Variants in KLC2 observed in about 807,000 individuals in gnomAD.
KLC2 encodes the protein KLC 2.
In KLC2, 35 loss-of-function variants were observed where a neutral mutation model predicts 75.1. The observed-to-expected ratio is 0.47, with a 90% CI of 0.36 to 0.62. The LOEUF is 0.62. Among genes scored for constraint, KLC2 ranks in the 20% least tolerant of loss-of-function variants. The pLI, the probability that KLC2 is intolerant of heterozygous loss-of-function variation, is 0.00. For missense variants in KLC2, 611 were observed against 833.2 expected (o/e 0.73, Z 3.28); for synonymous variants, 314 against 336.7 (o/e 0.93, Z 0.74).
Position 66,263,237 on chromosome 11 carries a change from G to A in KLC2, c.752+201G>A, listed in dbSNP as rs565652047. 5.9e-5 allele frequency among the ~76,000 whole-genome samples: 9 copies of A among 152,270 alleles called. No homozygotes were observed. In the East Asian group the frequency reaches 1.7e-3, roughly 29 times the overall value. On this transcript the variant is annotated intron_variant, in intron 5 of 15. Transcript: ENST00000394067. ...GCACATGAGGACTCCAGGGGTCCTG[G>A]GGAGTCCACACAGCTTCTCCAGGCA...
chr11:66,254,606 A>G (rs533906663), upstream of KLC2, among the ~76,000 whole-genome samples: 1 of 145,816 alleles, frequency 6.9e-6, no homozygotes, highest in Non-Finnish European at 1.5e-5. Context: ...TCAAGGCTGC[A>G]GTGAACTATG....
In KLC2 at chr11:66,266,640, G is replaced by T; in HGVS notation, c.1785+150G>T. The T allele has an allele frequency of 6.5e-6, 6 of 923,628 alleles. 1 individual carries two copies. The highest frequency in any genetic ancestry group is 1.1e-5 in the Non-Finnish European group (6 of 569,508). 57.2% of individuals were successfully genotyped at this position (923,628 alleles called of 1,614,324 possible). ...TGGGCTGGACAACGGGGAGACACGA[G>T]GGGAACCCAGCCTCTCCTGGGGGTG... On this transcript the variant is annotated intron_variant, in intron 15 of 15. Transcript: ENST00000394067.
At chr11:66,252,505 C>T (rs1202874066), upstream of KLC2, among the ~76,000 whole-genome samples, 1 of 152,088 alleles carries the variant, frequency 6.6e-6, no homozygotes, top group East Asian at 1.9e-4. Context: ...CCTCGTGATC[C>T]CCCCGCCTCG....
At chr11:66,253,738 T>A (rs1855981674), upstream of KLC2, among the ~76,000 whole-genome samples, 1 of 152,136 alleles carries the variant, frequency 6.6e-6, no homozygotes, top group South Asian at 2.1e-4. Context: ...GCCGAACACA[T>A]GCGAGGCTAA....
At position 66,265,380 on chromosome 11, in the gene KLC2, T is replaced by C. The variant is rs2134834198; in HGVS notation, c.1334+145T>C. 2.8e-5 allele frequency: 21 copies of C among 749,240 alleles called. No individual in the cohort carries two copies. In the South Asian group the frequency reaches 3.8e-4, roughly 14 times the overall value. The allele number at this position is 749,240 out of a possible 1,614,324, so 46.4% of individuals were successfully genotyped here. A position where few individuals can be genotyped will look rare whatever the true frequency, so the allele number is the denominator to read the frequency against. On this transcript the variant is annotated intron_variant, in intron 11 of 15. Transcript: ENST00000394067. ...TCACCTGTCCCAAGAAGGCTCTGTCTCCCAATTCTCAGCCTAATTCTCTGG... is the reference window on the plus strand; with the variant it reads ...TCACCTGTCCCAAGAAGGCTCTGTCCCCCAATTCTCAGCCTAATTCTCTGG...
In KLC2 at chr11:66,267,464, C is replaced by T. The variant is rs1227276871; in HGVS notation, c.*508C>T. 1 of 712,298 alleles carries T rather than the reference C, an allele frequency of 1.4e-6. No homozygotes were observed. Among genetic ancestry groups the T allele is most frequent in the African/African-American group, 1.8e-5 (1 of 57,108 alleles). The allele number at this position is 712,298 out of a possible 1,614,324, so 44.1% of individuals were successfully genotyped here. On this transcript the variant is annotated 3_prime_UTR_variant, in exon 16 of 16. Coordinates refer to ENST00000394067, the MANE Select transcript of KLC2 (RefSeq NM_001318734.2). ...TCACCCCCATTCCGTGCGGTGGTAT[C>T]TCCCAGGCTCTACATTCTCGGGAGC...
rs1856450256 is a variant in KLC2, at chr11:66,261,835, T to G, written c.322T>G (p.Trp108Gly). 6.2e-7 allele frequency: 1 copy of G among 1,613,472 alleles called. No individual in the cohort carries two copies. Among genetic ancestry groups the G allele is most frequent in the Non-Finnish European group, 8.5e-7 (1 of 1,179,926 alleles). Residue 108 changes from tryptophan (W) to glycine (G), a missense_variant, in exon 3 of 16, where the codon TGG becomes GGG. Coordinates refer to ENST00000394067, the MANE Select transcript of KLC2 (RefSeq NM_001318734.2). ...QVRRLVQENQ[W>G]LREELAGTQQ... is the part of the protein sequence containing the mutation. ...GCGGCGTCTGGTGCAGGAGAACCAG[T>G]GGCTGCGTGAGGAGCTGGCGGGGAC...
rs1856175454 is a variant in KLC2 at position 66,258,616 on chromosome 11, C to T, written c.22C>T (p.Arg8Trp). Residue 8 changes from arginine to tryptophan, a missense_variant, in exon 2 of 16, where the codon CGG becomes TGG. By Grantham distance (101) the Arg-to-Trp change is moderately radical. Coordinates refer to ENST00000394067, the MANE Select transcript of KLC2 (RefSeq NM_001318734.2). ...AGCCATGGCCATGATGGTGTTTCCG[C>T]GGGAGGAGAAGCTGAGCCAGGATGA... Reference protein sequence around the residue: MAMMVFPREEKLSQDEIV... With the variant: MAMMVFPWEEKLSQDEIV... 6.2e-7 allele frequency: 1 copy of T among 1,613,308 alleles called. No homozygotes were observed. Among genetic ancestry groups the T allele is most frequent in the Non-Finnish European group, 8.5e-7 (1 of 1,179,458 alleles).
At chr11:66,265,478 G>A (rs1008221560) in intron 11 of KLC2, 177 bp from the exon 12 acceptor site, 1 of 685,054 alleles carries the variant, frequency 1.5e-6, no homozygotes, top group South Asian at 2.0e-5. Context: ...CCCAGCCCTG[G>A]GGTGATTTCC....
In KLC2 at chr11:66,267,570, C is replaced by G. The variant is rs1201505343; in HGVS notation, c.*614C>G. 11 of 625,072 alleles carry G rather than the reference C, an allele frequency of 1.8e-5. No homozygotes were observed. The East Asian group carries it at 1.9e-4, about 11-fold the overall frequency. The allele number at this position is 625,072 out of a possible 1,614,324, so 38.7% of individuals were successfully genotyped here. A position where few individuals can be genotyped will look rare whatever the true frequency, so the allele number is the denominator to read the frequency against. ...ATGCGTCCTACCCGCGCCATCGCCCCGTGGCCCAGGACGGGGACCTCCCCT... is the reference window on the plus strand; with the variant it reads ...ATGCGTCCTACCCGCGCCATCGCCCGGTGGCCCAGGACGGGGACCTCCCCT... On this transcript the variant is annotated 3_prime_UTR_variant, in exon 16 of 16. Coordinates refer to ENST00000394067, the MANE Select transcript of KLC2 (RefSeq NM_001318734.2).
chr11:66,252,472 C>T (rs1395149715), upstream of KLC2, among the ~76,000 whole-genome samples: 2 of 91,406 alleles, frequency 2.2e-5, no homozygotes, highest in Non-Finnish European at 5.9e-5. Context: ...ACCATGTTAG[C>T]CAGGATGGTC....
chr11:66,261,936 C>T lies in KLC2; in HGVS notation c.423C>T (p.Ser141=). 6.2e-7 allele frequency: 1 copy of T among 1,614,160 alleles called. No individual in the cohort carries two copies. The highest frequency in any genetic ancestry group is 8.5e-7 in the Non-Finnish European group (1 of 1,180,010). ...EEEKQHLLFM[S]QIRKLDEDAS... ...AGAAGCAGCACTTGCTGTTCATGAG[C>T]CAGATCCGCAAGTTGGATGAAGACG... Residue 141 remains serine, a synonymous_variant, in exon 3 of 16, where the codon AGC becomes AGT. Coordinates refer to ENST00000394067, the MANE Select transcript of KLC2 (RefSeq NM_001318734.2).
At chr11:66,252,001 T>C in the KLC2 span, among the ~76,000 whole-genome samples, 1 of 152,154 alleles carries the variant, frequency 6.6e-6, no homozygotes, top group Non-Finnish European at 1.5e-5. Context: ...CTCGCTGGGC[T>C]CATCTCCTTC....
rs573760756 is a variant in KLC2 at position 66,267,584 on chromosome 11, G to A, written c.*628G>A. On this transcript the variant is annotated 3_prime_UTR_variant, in exon 16 of 16. Coordinates refer to ENST00000394067, the MANE Select transcript of KLC2 (RefSeq NM_001318734.2). Reference sequence around the variant, plus strand: ...CGCCATCGCCCCGTGGCCCAGGACGGGGACCTCCCCTTAGTCCGTCCTCCC... The same window carrying A: ...CGCCATCGCCCCGTGGCCCAGGACGAGGACCTCCCCTTAGTCCGTCCTCCC... 4 of 618,618 alleles carry A rather than the reference G, an allele frequency of 6.5e-6. No individual in the cohort carries two copies. The highest frequency in any genetic ancestry group is 5.5e-5 in the African/African-American group (3 of 54,314). 38.3% of individuals were successfully genotyped at this position (618,618 alleles called of 1,614,324 possible). A position where few individuals can be genotyped will look rare whatever the true frequency, so the allele number is the denominator to read the frequency against.
At position 66,265,176 on chromosome 11, in the gene KLC2, C is replaced by T; in HGVS notation, c.1275C>T (p.Arg425=). The change falls in exon 11 of 16, where the codon CGC becomes CGT. Residue 425 remains arginine, a synonymous_variant. Transcript: ENST00000394067. Reference sequence around the variant, plus strand: ...ACCATTCTTTCCTCCAGGATAAGCGCCGGGACAGCGCCCCCTATGGGGAAT... The same window carrying T: ...ACCATTCTTTCCTCCAGGATAAGCGTCGGGACAGCGCCCCCTATGGGGAAT... ...AEEREESKDK[R]RDSAPYGEYG... is the part of the protein sequence containing the mutation. 3.1e-6 allele frequency: 5 copies of T among 1,611,544 alleles called. No homozygotes were observed. The highest frequency in any genetic ancestry group is 4.2e-6 in the Non-Finnish European group (5 of 1,178,018).
chr11:66,263,601 C>CAA (rs1170997094), intron 5 of KLC2, 59 bp from the exon 6 acceptor site: 1 of 1,189,418 alleles, frequency 8.4e-7, no homozygotes, highest in African/African-American at 1.5e-5. Flanking sequence ...GGATTGCAGA[C>CAA]CATTGGGGAG....
At chr11:66,244,319 C>T in the KLC2 span, 33 of 152,524 alleles carry the variant, frequency 2.2e-4, no homozygotes, top group African/African-American at 7.7e-4. Flanking sequence ...AGGCCCCAGC[C>T]TGGGCCCAGA....
chr11:66,265,625 A>C, intron 11 of KLC2, 30 bp from the exon 12 acceptor site: 1 of 1,554,066 alleles, frequency 6.4e-7, no homozygotes, highest in Non-Finnish European at 8.8e-7. Context: ...GTCTGGGGGA[A>C]CATGGAGTTT....
At position 66,266,278 on chromosome 11, in the gene KLC2, C is replaced by G. The variant is rs980299339; in HGVS notation, c.1727+61C>G. On this transcript the variant is annotated intron_variant, in intron 14 of 15. Transcript: ENST00000394067. The stretch of plus-strand genomic sequence containing the variant: ...CCAGCAACCCCGGATGAGCTCCTGA[C>G]CCAGAGTGTGCCCCACTGACCCCAG... The G allele has an allele frequency of 7.7e-6, 12 of 1,550,684 alleles. No individual in the cohort carries two copies. In the African/African-American group the frequency reaches 1.5e-4, roughly 19 times the overall value.
Sources: gnomAD v4.1 joint callset for allele counts (sites outside exome capture counted in the v4.1 genomes callset) on GRCh38, gnomAD v4.1.1 for gene constraint, MANE v1.5 for transcripts, NCBI Gene and HGNC (gene_info 2026-07-23, HGNC 2026-07-21) for gene names.